The following LPP variants were observed in gnomAD, a reference collection of about 807,000 sequenced individuals.
LPP encodes lipoma-preferred partner.
In LPP, 38 loss-of-function variants were observed where a neutral mutation model predicts 60.4. The observed-to-expected ratio is 0.63, with a 90% CI of 0.49 to 0.83. LPP has a LOEUF of 0.83. Ranked by LOEUF, LPP falls within the 40% of genes least tolerant of loss-of-function variation. The pLI, the probability that LPP is intolerant of heterozygous loss-of-function variation, is 0.00. For synonymous variants in LPP, 328 were observed against 290.8 expected, an observed-to-expected ratio of 1.13 and a Z score of -1.30; for missense variants, 902 against 783.6, an observed-to-expected ratio of 1.15 and a Z score of -1.80.
At chr3:188,248,874 A>G (rs1383066287) in intron 2 of LPP, among the ~76,000 whole-genome samples, 2 of 152,156 alleles carry the variant, frequency 1.3e-5, no homozygotes, top group Admixed American at 6.5e-5. Context: ...ACGTTGTTAG[A>G]TAAAGCTCAT....
rs1355920206 is a variant in LPP at position 188,878,280 on chromosome 3, G to A, written c.*3801G>A. The A allele has an allele frequency of 1.4e-5, 3 of 220,382 alleles. No homozygotes were observed. Among genetic ancestry groups the A allele is most frequent in the South Asian group, 1.9e-4 (1 of 5,400 alleles). 13.7% of individuals were successfully genotyped at this position (220,382 alleles called of 1,614,324 possible). A position where few individuals can be genotyped will look rare whatever the true frequency, so the allele number is the denominator to read the frequency against. On this transcript the variant is annotated 3_prime_UTR_variant, in exon 12 of 12. Coordinates refer to ENST00000617246, the MANE Select transcript of LPP (RefSeq NM_001375462.1). Reference sequence around the variant, plus strand: ...CCATTATCAAGTTTTGAAGGGTGTTGGGGAAATTATGGCAGCTGCTAGGGA... The same window carrying A: ...CCATTATCAAGTTTTGAAGGGTGTTAGGGAAATTATGGCAGCTGCTAGGGA...
intron 5 of LPP, among the ~76,000 whole-genome samples, chr3:188,517,728 C>T (rs1485775815): frequency 2.0e-5 from 3 of 152,086 alleles, no homozygotes; most frequent in African/African-American, 4.8e-5. Context: ...CATCAGATCT[C>T]GTGAAACTTT....
intron 4 of LPP, among the ~76,000 whole-genome samples, chr3:188,456,790 C>A (rs539961529): frequency 6.6e-6 from 1 of 152,202 alleles, no homozygotes; most frequent in Non-Finnish European, 1.5e-5. Context: ...TCTAAGAGTG[C>A]AAGGAAAAAT....
intron 6 of LPP, among the ~76,000 whole-genome samples, chr3:188,561,124 A>G (rs74519536): frequency 0.014 from 2,119 of 152,222 alleles, 26 homozygotes; most frequent in South Asian, 0.05. Context: ...AATGAAATTG[A>G]ACTTTCAAAC....
intron 9 of LPP, among the ~76,000 whole-genome samples, chr3:188,851,207 C>A (rs1762602104): frequency 6.6e-6 from 1 of 152,070 alleles, no homozygotes; most frequent in East Asian, 1.9e-4. Context: ...GAAAATAGCC[C>A]CAAAGGTTCT....
At chr3:188,586,010 G>T (rs568749360) in intron 6 of LPP, among the ~76,000 whole-genome samples, 2 of 152,300 alleles carry the variant, frequency 1.3e-5, no homozygotes, top group Admixed American at 6.5e-5. Context: ...GGCAGGAAGA[G>T]GTGTGAAGAT....
intron 9 of LPP, among the ~76,000 whole-genome samples, chr3:188,841,632 C>T (rs1451542072): frequency 1.3e-5 from 2 of 152,056 alleles, no homozygotes; most frequent in Non-Finnish European, 2.9e-5. Flanking sequence ...CTTTGTGATC[C>T]GCCCACCTTG....
intron 6 of LPP, among the ~76,000 whole-genome samples, chr3:188,597,444 A>G (rs899912590): frequency 6.6e-5 from 10 of 152,044 alleles, no homozygotes; most frequent in African/African-American, 2.4e-4. Flanking sequence ...CACCTATTTT[A>G]TTATCTTTTG....
chr3:188,645,926 C>T (rs1296025827), intron 7 of LPP, among the ~76,000 whole-genome samples: 3 of 151,690 alleles, frequency 2.0e-5, no homozygotes, highest in Non-Finnish European at 4.4e-5. Flanking sequence ...AAGTAGAATT[C>T]TGACCTTATC....
At chr3:188,669,253 A>T (rs560440112) in intron 7 of LPP, among the ~76,000 whole-genome samples, 19 of 152,198 alleles carry the variant, frequency 1.2e-4, no homozygotes, top group South Asian at 6.2e-4. Flanking sequence ...CAAAACCACA[A>T]TGAGATAACA....
chr3:188,812,069 T>G (rs1751161346), intron 9 of LPP, among the ~76,000 whole-genome samples: 1 of 152,182 alleles, frequency 6.6e-6, no homozygotes, highest in African/African-American at 2.4e-5. Context: ...GAAAGAATTC[T>G]TATTCCCTTA....
At chr3:188,719,179 C>G (rs1184730256) in intron 8 of LPP, among the ~76,000 whole-genome samples, 1 of 152,178 alleles carries the variant, frequency 6.6e-6, no homozygotes, top group Admixed American at 6.5e-5. Flanking sequence ...TTTTTAAGTA[C>G]TGGGTCACAT....
At chr3:188,544,697 G>A (rs527387900) in intron 6 of LPP, among the ~76,000 whole-genome samples, 34 of 93,280 alleles carry the variant, frequency 3.6e-4, no homozygotes, top group Non-Finnish European at 5.3e-4. Context: ...TCAGTGTGGC[G>A]ATTCCTCAGG....
chr3:188,659,608 T>A (rs1854107001), intron 7 of LPP, among the ~76,000 whole-genome samples: 2 of 152,124 alleles, frequency 1.3e-5, no homozygotes, highest in East Asian at 1.9e-4. Context: ...TGGGATGGGA[T>A]CCACTACAGC....
chr3:188,238,722 TATCACTG>T (rs1471577611), intron 2 of LPP, among the ~76,000 whole-genome samples: 2 of 152,166 alleles, frequency 1.3e-5, no homozygotes, highest in African/African-American at 2.4e-5. Flanking sequence ...TCACATCGAA[TATCACTG>T]ATCACAGATC....
intron 5 of LPP, among the ~76,000 whole-genome samples, chr3:188,490,391 T>G (rs1284221738): frequency 6.6e-6 from 1 of 152,168 alleles, no homozygotes; most frequent in Non-Finnish European, 1.5e-5. Flanking sequence ...GAATAGTGGC[T>G]TATAATCTTT....
At position 188,874,518 on chromosome 3, in the gene LPP, C is replaced by G; in HGVS notation, c.*39C>G. 6.3e-7 allele frequency: 1 copy of G among 1,599,062 alleles called. No homozygotes were observed. On this transcript the variant is annotated 3_prime_UTR_variant, in exon 12 of 12. Coordinates refer to ENST00000617246, the MANE Select transcript of LPP (RefSeq NM_001375462.1). Reference sequence around the variant, plus strand: ...TTCAGCCGGCACTGAGAAGAACGAACACAAGAAAAAGATAAGAAATACTAG... The same window carrying G: ...TTCAGCCGGCACTGAGAAGAACGAAGACAAGAAAAAGATAAGAAATACTAG...
chr3:188,483,948 A>G (rs1371459064), intron 4 of LPP, among the ~76,000 whole-genome samples: 2 of 152,088 alleles, frequency 1.3e-5, no homozygotes, highest in Admixed American at 1.3e-4. Context: ...TAAAAACCTT[A>G]ATTTTATCGC....
intron 6 of LPP, among the ~76,000 whole-genome samples, chr3:188,587,559 T>A (rs986126744): frequency 6.6e-6 from 1 of 152,222 alleles, no homozygotes; most frequent in African/African-American, 2.4e-5. Flanking sequence ...ATGTGGTCTG[T>A]TTCCAAAACT....
Sources: gnomAD v4.1 joint callset for allele counts (sites outside exome capture counted in the v4.1 genomes callset) on GRCh38, gnomAD v4.1.1 for gene constraint, MANE v1.5 for transcripts, NCBI Gene and HGNC (gene_info 2026-07-23, HGNC 2026-07-21) for gene names.